The following FGFR2 variants were observed in gnomAD, a reference collection of about 807,000 sequenced individuals.
The protein encoded by FGFR2 is fibroblast growth factor receptor 2.
A neutral mutation model predicts 95.9 loss-of-function variants in FGFR2; 19 were observed. The ratio of observed to expected loss-of-function variants is 0.20; its 90% CI spans 0.14 to 0.29. FGFR2 has a LOEUF of 0.29. Among genes scored for constraint, FGFR2 ranks in the 10% least tolerant of loss-of-function variants. The pLI is 1.00. For missense variants in FGFR2, 707 were observed against 1,056.9 expected (o/e 0.67, Z 4.59); for synonymous variants, 392 against 393.3 (o/e 1.00, Z 0.04).
intron 2 of FGFR2, among the ~76,000 whole-genome samples, chr10:121,573,638 A>T (rs1408137471): frequency 6.7e-6 from 1 of 150,214 alleles, no homozygotes; most frequent in Non-Finnish European, 1.5e-5. Context: ...AGAGGAAGGC[A>T]AGAGGAAGAA....
rs1844282540 is a variant in FGFR2 at position 121,478,431 on chromosome 10, A to C, written c.*1426T>G. The C allele has an allele frequency of 4.3e-6, 1 of 233,440 alleles. No homozygotes were observed. The highest frequency in any genetic ancestry group is 2.2e-5 in the African/African-American group (1 of 45,344). 14.5% of individuals were successfully genotyped at this position (233,440 alleles called of 1,614,324 possible). A position where few individuals can be genotyped will look rare whatever the true frequency, so the allele number is the denominator to read the frequency against. Reference sequence around the variant, plus strand: ...TATAAAAATTAACAGGTTTTATTAAATACTTTCTCCAATTTTGTAACACAT... The same window carrying C: ...TATAAAAATTAACAGGTTTTATTAACTACTTTCTCCAATTTTGTAACACAT... On this transcript the variant is annotated 3_prime_UTR_variant, in exon 18 of 18. Transcript: ENST00000358487.
chr10:121,516,971 T>C (rs1849769067), intron 8 of FGFR2, among the ~76,000 whole-genome samples: 1 of 152,178 alleles, frequency 6.6e-6, no homozygotes, highest in South Asian at 2.1e-4. Context: ...AAAATGGAAT[T>C]TGAAATGAGA....
intron 13 of FGFR2, among the ~76,000 whole-genome samples, chr10:121,492,899 C>G (rs748319914): frequency 2.7e-4 from 41 of 152,174 alleles, no homozygotes; most frequent in Admixed American, 8.5e-4. Context: ...ACCCGCCCCC[C>G]ACGTGGAATC....
chr10:121,578,534 G>A (rs537309904), intron 2 of FGFR2, among the ~76,000 whole-genome samples: 5 of 152,258 alleles, frequency 3.3e-5, no homozygotes, highest in African/African-American at 1.2e-4. Context: ...CTGGAGTAGG[G>A]ATCAATGCAA....
chr10:121,514,294 A>T (rs983991988), intron 9 of FGFR2, among the ~76,000 whole-genome samples: 28 of 152,234 alleles, frequency 1.8e-4, no homozygotes, highest in Non-Finnish European at 1.5e-5. Flanking sequence ...CATCTCTGTG[A>T]ATAAGCAGAA....
intron 6 of FGFR2, among the ~76,000 whole-genome samples, chr10:121,534,254 A>C (rs1467541468): frequency 1.2e-4 from 18 of 150,462 alleles, no homozygotes; most frequent in Admixed American, 1.2e-3. Context: ...ACCTGCCACC[A>C]CCCCTGGGTA....
intron 2 of FGFR2, among the ~76,000 whole-genome samples, chr10:121,572,943 G>A (rs1407013730): frequency 2.0e-5 from 3 of 152,212 alleles, no homozygotes; most frequent in Non-Finnish European, 4.4e-5. Context: ...GGGAAATCTT[G>A]TAAAAGTCAA....
intron 9 of FGFR2, among the ~76,000 whole-genome samples, chr10:121,512,927 T>C (rs577353034): frequency 2.0e-5 from 3 of 152,096 alleles, no homozygotes; most frequent in African/African-American, 7.2e-5. Context: ...TGGAGCGCAA[T>C]GGTGTGATCT....
intron 5 of FGFR2, among the ~76,000 whole-genome samples, chr10:121,548,410 G>A (rs1341325106): frequency 6.6e-6 from 1 of 151,920 alleles, no homozygotes. Context: ...GCAGGCTAAA[G>A]GCTTTCTGCT....
chr10:121,501,167 T>C lies in FGFR2; in HGVS notation c.1440-220A>G, dbSNP rs376108247. On this transcript the variant is annotated intron_variant, in intron 10 of 17. Transcript: ENST00000358487. ...GGTGGAACGGCTATTAAATTTCACA[T>C]TGGTATTCTCGGTTTATTTTCTTTA... Among the ~76,000 whole-genome samples, 11 of 152,352 alleles carry C rather than the reference T, an allele frequency of 7.2e-5. 1 individual carries two copies. Among genetic ancestry groups the C allele is most frequent in the Admixed American group, 5.2e-4 (8 of 15,302 alleles).
intron 17 of FGFR2, chr10:121,480,384 G>GCA: frequency 2.7e-6 from 1 of 374,754 alleles, no homozygotes; most frequent in Non-Finnish European, 5.0e-6. Context: ...GCTTCACACG[G>GCA]ACCTAAATAA....
At chr10:121,523,414 C>T (rs1404968952) in intron 6 of FGFR2, among the ~76,000 whole-genome samples, 4 of 152,162 alleles carry the variant, frequency 2.6e-5, no homozygotes, top group East Asian at 1.9e-4. Flanking sequence ...CTGTCCACAG[C>T]GGGCAGTGAC....
rs767104796 is a variant in FGFR2 at position 121,566,066 on chromosome 10, G to GT, written c.110-363dup. Among the ~76,000 whole-genome samples, 104 of 152,178 alleles carry GT rather than the reference G, an allele frequency of 6.8e-4. 1 individual carries two copies. The highest frequency in any genetic ancestry group is 3.3e-3 in the Admixed American group (50 of 15,286). Reference sequence around the variant, plus strand: ...TCTGTTATTGTGGTATGTTTTATTTGTAAGAATGCCGAGTTTTACACATTT... The same window carrying GT: ...TCTGTTATTGTGGTATGTTTTATTTGTTAAGAATGCCGAGTTTTACACATTT... On this transcript the variant is annotated intron_variant, in intron 2 of 17. Transcript: ENST00000358487.
In FGFR2 at chr10:121,485,909, C is replaced by T. The variant is rs943519029; in HGVS notation, c.2058-377G>A. 3.9e-5 allele frequency among the ~76,000 whole-genome samples: 6 copies of T among 152,200 alleles called. No individual in the cohort carries two copies. The highest frequency in any genetic ancestry group is 3.3e-4 in the Admixed American group (5 of 15,282). ...GTGATCTACCAGGATGGGCAGTTGACAGAATAAGGCCAGCAAGCCAACTCC... is the reference window on the plus strand; with the variant it reads ...GTGATCTACCAGGATGGGCAGTTGATAGAATAAGGCCAGCAAGCCAACTCC... On this transcript the variant is annotated intron_variant, in intron 15 of 17. Coordinates refer to ENST00000358487, the MANE Select transcript of FGFR2 (RefSeq NM_000141.5). This position sits in a 1 kb window ranked among gnomAD's most constrained non-coding sequence, Gnocchi z 4.2.
At chr10:121,482,097 A>G (rs1844813917) in intron 17 of FGFR2, 5 of 1,381,268 alleles carry the variant, frequency 3.6e-6, no homozygotes, top group Non-Finnish European at 5.1e-6. Flanking sequence ...TCGGCCTCCC[A>G]AAGTGCTGGG....
intron 5 of FGFR2, among the ~76,000 whole-genome samples, chr10:121,550,457 C>A (rs944249688): frequency 6.6e-6 from 1 of 152,172 alleles, no homozygotes; most frequent in African/African-American, 2.4e-5. Context: ...AGACAGCTGC[C>A]AATTTCAAAC....
chr10:121,532,225 C>T (rs1006014319), intron 6 of FGFR2, among the ~76,000 whole-genome samples: 4 of 152,192 alleles, frequency 2.6e-5, no homozygotes, highest in Admixed American at 1.3e-4. Context: ...CAGGGCTCTA[C>T]GGAGCCGAGA....
At chr10:121,570,059 G>A (rs1858375224) in intron 2 of FGFR2, among the ~76,000 whole-genome samples, 1 of 152,212 alleles carries the variant, frequency 6.6e-6, no homozygotes, top group Admixed American at 6.5e-5. Flanking sequence ...AGCCTCCCAG[G>A]CCACCCAGTG....
intron 7 of FGFR2, 125 bp downstream of exon 7, chr10:121,519,854 C>G (rs1417756218): frequency 3.5e-6 from 3 of 862,010 alleles, no homozygotes; most frequent in Non-Finnish European, 5.6e-6. Flanking sequence ...TTAGAACACT[C>G]TCTGCTGGCT....
Sources: gnomAD v4.1 joint callset for allele counts (sites outside exome capture counted in the v4.1 genomes callset) on GRCh38, gnomAD v4.1.1 for gene constraint, Gnocchi (gnomAD v3.1) non-coding constraint, MANE v1.5 for transcripts, NCBI Gene and HGNC (gene_info 2026-07-23, HGNC 2026-07-21) for gene names.